The following ITGAV variants were observed in gnomAD, a reference collection of about 807,000 sequenced individuals.
ITGAV encodes integrin alpha-V.
Under a neutral mutation model 143.8 loss-of-function variants are expected in ITGAV, and 76 were observed. The ratio of observed to expected loss-of-function variants is 0.53; its 90% CI spans 0.44 to 0.64. ITGAV has a LOEUF of 0.64. Among genes scored for constraint, ITGAV ranks in the 30% least tolerant of loss-of-function variants. ITGAV has a pLI of 0.00. For missense variants in ITGAV, 1,193 were observed against 1,274.7 expected, an observed-to-expected ratio of 0.94 and a Z score of 0.98; for synonymous variants, 453 against 446.7, an observed-to-expected ratio of 1.01 and a Z score of -0.18.
intron 22 of ITGAV, 27 bp downstream of exon 22, chr2:186,666,810 T>C (rs1368615292): frequency 1.7e-6 from 2 of 1,182,130 alleles, no homozygotes. Context: ...TATTCACTTA[T>C]AACTATCAAA....
At chr2:186,609,484 T>C (rs1448636934) in intron 2 of ITGAV, among the ~76,000 whole-genome samples, 1 of 152,056 alleles carries the variant, frequency 6.6e-6, no homozygotes, top group African/African-American at 2.4e-5. Context: ...TGGTTTGAGT[T>C]GGGGGTAAGA....
At chr2:186,654,519 T>C in intron 15 of ITGAV, 131 bp from the exon 16 acceptor site, 1 of 530,668 alleles carries the variant, frequency 1.9e-6, no homozygotes, top group Non-Finnish European at 3.4e-6. Context: ...TTTAGAATAA[T>C]ATTAAGACAT....
rs764603284 is a variant in ITGAV, at chr2:186,656,449, G to GT, written c.1719+54dup. 17 of 1,302,298 alleles carry GT rather than the reference G, an allele frequency of 1.3e-5. No homozygotes were observed. In the South Asian group the frequency reaches 1.8e-4, roughly 14 times the overall value. 80.7% of individuals were successfully genotyped at this position (1,302,298 alleles called of 1,614,324 possible). ...CCTTGTTGTTCCTTTTTAGTCATTA[G>GT]TTTTTTATCTAAATGATTTTCACTT... On this transcript the variant is annotated intron_variant, in intron 17 of 29. Coordinates refer to ENST00000261023, the MANE Select transcript of ITGAV (RefSeq NM_002210.5).
rs948322186 is a variant in ITGAV at position 186,680,865 on chromosome 2, C to T, written c.*3573C>T. The T allele has an allele frequency of 6.6e-6, 1 of 152,586 alleles. No individual in the cohort carries two copies. The highest frequency in any genetic ancestry group is 1.5e-5 in the Non-Finnish European group (1 of 68,006). The allele number at this position is 152,586 out of a possible 1,614,324, so 9.5% of individuals were successfully genotyped here. On this transcript the variant is annotated 3_prime_UTR_variant, in exon 30 of 30. Coordinates refer to ENST00000261023, the MANE Select transcript of ITGAV (RefSeq NM_002210.5). ...GTTCTGCTTGATTTACAACATGTAA[C>T]TTGTGACTGTACAATAAACATAAGC...
chr2:186,594,962 T>C (rs931760624), intron 1 of ITGAV, among the ~76,000 whole-genome samples: 3 of 152,252 alleles, frequency 2.0e-5, no homozygotes, highest in Non-Finnish European at 4.4e-5. Flanking sequence ...TGATGTTTCA[T>C]AGAGCATTAT....
At chr2:186,602,550 A>G (rs1056650009) in intron 2 of ITGAV, among the ~76,000 whole-genome samples, 3 of 152,330 alleles carry the variant, frequency 2.0e-5, no homozygotes, top group South Asian at 2.1e-4. Context: ...ATCTCTGATC[A>G]TGAATATATC....
At chr2:186,646,150 A>C (rs61762236) in intron 12 of ITGAV, among the ~76,000 whole-genome samples, 1 of 152,200 alleles carries the variant, frequency 6.6e-6, no homozygotes, top group African/African-American at 2.4e-5. Context: ...TTATTCATTT[A>C]TCTTCTTTCA....
intron 12 of ITGAV, among the ~76,000 whole-genome samples, chr2:186,645,596 G>C (rs1397768042): frequency 6.6e-6 from 1 of 152,144 alleles, no homozygotes; most frequent in Non-Finnish European, 1.5e-5. Flanking sequence ...GATGGGGATG[G>C]GTGTGACATG....
intron 1 of ITGAV, among the ~76,000 whole-genome samples, chr2:186,598,848 G>A (rs1026525523): frequency 2.6e-5 from 4 of 152,164 alleles, no homozygotes; most frequent in Non-Finnish European, 4.4e-5. Flanking sequence ...AGATATGACT[G>A]CATGGAGCTC....
Position 186,677,420 on chromosome 2 carries a change from A to G in ITGAV, c.*128A>G. 1.5e-6 allele frequency: 1 copy of G among 651,200 alleles called. No homozygotes were observed. The highest frequency in any genetic ancestry group is 2.7e-6 in the Non-Finnish European group (1 of 367,452). 40.3% of individuals were successfully genotyped at this position (651,200 alleles called of 1,614,324 possible). A position where few individuals can be genotyped will look rare whatever the true frequency, so the allele number is the denominator to read the frequency against. ...CTGATAGTGCTAATTGGCATTAACC[A>G]CAAAATGAGAATTATATTTGTCAAC... On this transcript the variant is annotated 3_prime_UTR_variant, in exon 30 of 30. Coordinates refer to ENST00000261023, the MANE Select transcript of ITGAV (RefSeq NM_002210.5).
At chr2:186,639,123 C>T (rs1288834143) in intron 10 of ITGAV, among the ~76,000 whole-genome samples, 1 of 152,070 alleles carries the variant, frequency 6.6e-6, no homozygotes, top group Non-Finnish European at 1.5e-5. Flanking sequence ...TAAGATATTT[C>T]TCAGCTAAAA....
intron 2 of ITGAV, among the ~76,000 whole-genome samples, chr2:186,621,536 A>C (rs1687520056): frequency 6.6e-6 from 1 of 152,216 alleles, no homozygotes; most frequent in African/African-American, 2.4e-5. Flanking sequence ...TTTGAAAAAA[A>C]ATTGTCTGGA....
At chr2:186,665,077 T>A (rs1229168898) in intron 20 of ITGAV, 49 bp from the exon 21 acceptor site, 1 of 1,182,976 alleles carries the variant, frequency 8.5e-7, no homozygotes, top group Admixed American at 2.0e-5. Context: ...TGCGTGATAC[T>A]TTATTTCCTT....
At chr2:186,612,369 AT>A (rs546219169) in intron 2 of ITGAV, among the ~76,000 whole-genome samples, 7,207 of 146,260 alleles carry the variant, frequency 0.049, 223 homozygotes, top group Non-Finnish European at 0.073. Context: ...TACCTGTTTA[AT>A]TTTTTTTTTT....
intron 1 of ITGAV, among the ~76,000 whole-genome samples, chr2:186,593,123 G>A (rs929232928): frequency 6.6e-6 from 1 of 152,138 alleles, no homozygotes; most frequent in African/African-American, 2.4e-5. Context: ...ATTCAAGAGC[G>A]CCTTTCTTCT....
Position 186,668,935 on chromosome 2 carries a change from A to G in ITGAV, c.2592+15A>G. On this transcript the variant is annotated intron_variant, in intron 25 of 29. Transcript: ENST00000261023. Reference sequence around the variant, plus strand: ...TGAGAATTAAGGTAATATGCTTAATAGCAGCTCTTCATTACAATGATATTT... The same window carrying G: ...TGAGAATTAAGGTAATATGCTTAATGGCAGCTCTTCATTACAATGATATTT... 1 of 1,566,640 alleles carries G rather than the reference A, an allele frequency of 6.4e-7. No individual in the cohort carries two copies. Among genetic ancestry groups the G allele is most frequent in the Non-Finnish European group, 8.7e-7 (1 of 1,149,172 alleles).
At chr2:186,598,685 G>A (rs964031490) in intron 1 of ITGAV, among the ~76,000 whole-genome samples, 11 of 151,976 alleles carry the variant, frequency 7.2e-5, no homozygotes, top group African/African-American at 1.7e-4. Context: ...TGCCTCAGCC[G>A]CCCAAAGTGT....
rs151015670 is a variant in ITGAV at position 186,634,992 on chromosome 2, CT to C, written c.632-1081del. ...AGATACAGCTGTGAAAATGTATGAC[CT>C]TTTTTTTTAATGCCATGGGTATTGC... On this transcript the variant is annotated intron_variant, in intron 6 of 29. Transcript: ENST00000261023. 2.2e-3 allele frequency among the ~76,000 whole-genome samples: 324 copies of C among 149,180 alleles called. 2 individuals are homozygous for C. The highest frequency in any genetic ancestry group is 7.3e-3 in the African/African-American group (299 of 40,802).
intron 18 of ITGAV, among the ~76,000 whole-genome samples, chr2:186,660,867 C>T (rs1688726000): frequency 2.0e-5 from 3 of 152,142 alleles, no homozygotes; most frequent in Non-Finnish European, 4.4e-5. Context: ...AGACAGTCAC[C>T]AGTCACCTTC....
Sources: allele counts gnomAD v4.1 joint callset (sites outside exome capture counted in the v4.1 genomes callset), GRCh38; gene constraint gnomAD v4.1.1; transcripts MANE v1.5; gene names NCBI Gene and HGNC (gene_info 2026-07-23, HGNC 2026-07-21).